DNAH1: variants seen among roughly 807,000 people sequenced by gnomAD.
The protein encoded by DNAH1 is axonemal beta dynein heavy chain 1.
Under a neutral mutation model 484.3 loss-of-function variants are expected in DNAH1, and 327 were observed. That is an observed-to-expected ratio of 0.68 (90% CI 0.62 to 0.74). DNAH1 has a LOEUF of 0.74. Ranked by LOEUF, DNAH1 falls within the 30% of genes least tolerant of loss-of-function variation. The probability of loss-of-function intolerance (pLI) is 0.00; values close to 1 mark genes in which losing one functional copy is unlikely to be tolerated. For missense variants in DNAH1, 5,052 were observed against 5,546.8 expected (o/e 0.91, Z 2.83); for synonymous variants, 2,192 against 2,191.9 (o/e 1.00, Z 0.00).
In DNAH1 at chr3:52,397,875, G is replaced by C. The variant is rs756189659; in HGVS notation, c.11956G>C (p.Glu3986Gln). The change falls in exon 74 of 78, where the codon GAG becomes CAG. Residue 3986 changes from glutamate (E) to glutamine (Q), a missense_variant and splice_region_variant. By Grantham distance (29) the Glu-to-Gln change is conservative. Coordinates refer to ENST00000420323, the MANE Select transcript of DNAH1 (RefSeq NM_015512.5). ...SSSAGSQGREEIVEDVTQNIL... is the reference protein window; with the variant it reads ...SSSAGSQGREQIVEDVTQNIL... ...TTCTGCAGGCAGCCAGGGCCGGGAG[G>C]AGGTGGGTGGTGTCAGAGTAAGGGG... 3.8e-6 allele frequency: 6 copies of C among 1,599,420 alleles called. No individual in the cohort carries two copies. Among genetic ancestry groups the C allele is most frequent in the Non-Finnish European group, 5.1e-6 (6 of 1,171,966 alleles).
intron 36 of DNAH1, among the ~76,000 whole-genome samples, chr3:52,367,478 C>T (rs1466763846): frequency 6.6e-6 from 1 of 152,088 alleles, no homozygotes. Context: ...TGAAGATTCT[C>T]CCCCATATCC....
intron 63 of DNAH1, 141 bp downstream of exon 63, chr3:52,391,744 T>C (rs1306872233): frequency 5.1e-6 from 5 of 979,260 alleles, no homozygotes; most frequent in Admixed American, 2.2e-5. Flanking sequence ...GGCACTCACA[T>C]TCGAAGCCTT....
chr3:52,364,577 T>G lies in DNAH1; in HGVS notation c.5245-61T>G. The G allele has an allele frequency of 6.3e-7, 1 of 1,590,996 alleles. No individual in the cohort carries two copies. Among genetic ancestry groups the G allele is most frequent in the South Asian group, 1.1e-5 (1 of 90,604 alleles). ...AACTGCCAGGTGGGAGGCAGAGTGT[T>G]CCAGGCAGAAGCCTTGGAGAGGGAC... On this transcript the variant is annotated intron_variant, in intron 32 of 77. Coordinates refer to ENST00000420323, the MANE Select transcript of DNAH1 (RefSeq NM_015512.5). The surrounding 1 kb of genome is among the most constrained non-coding windows in gnomAD (Gnocchi z 4.2).
chr3:52,349,090 G>T lies in DNAH1; in HGVS notation c.2300+9G>T. 6.2e-7 allele frequency: 1 copy of T among 1,612,946 alleles called. No individual in the cohort carries two copies. The highest frequency in any genetic ancestry group is 8.5e-7 in the Non-Finnish European group (1 of 1,179,622). On this transcript the variant is annotated intron_variant, in intron 13 of 77. Coordinates refer to ENST00000420323, the MANE Select transcript of DNAH1 (RefSeq NM_015512.5). ...ATTGCCTCCTTTCTCAAGTGCGTAC[G>T]TGTGCCCATGCACGTCGGAGGGTGT...
intron 60 of DNAH1, 56 bp downstream of exon 60, chr3:52,389,642 G>A: frequency 7.7e-7 from 1 of 1,298,812 alleles, no homozygotes; most frequent in South Asian, 2.5e-5. Flanking sequence ...GGTCCAGGCT[G>A]GGCCAGGAGC....
Position 52,326,226 on chromosome 3 carries a change from G to C in DNAH1, c.493G>C (p.Asp165His). The C allele has an allele frequency of 1.9e-6, 3 of 1,613,190 alleles. No individual in the cohort carries two copies. Among genetic ancestry groups the C allele is most frequent in the Non-Finnish European group, 2.5e-6 (3 of 1,179,650 alleles). ...CACCACCCGGCTGCTCGCCCAGACT[G>C]ACTTCCCACTGCAGGCCTACGAGCC... ...GSTTRLLAQT[D>H]FPLQAYEPKM... Residue 165 changes from aspartate (D) to histidine (H), a missense_variant, in exon 4 of 78, where the codon GAC becomes CAC. Asp to His is a moderately conservative substitution (Grantham distance 81). Around this residue, in one of 4 missense-constraint regions of DNAH1, gnomAD observed 1,263 missense variants for 1,218.8 expected, o/e 1.04. Transcript: ENST00000420323.
At position 52,395,656 on chromosome 3, in the gene DNAH1, T is replaced by G; in HGVS notation, c.11237T>G (p.Ile3746Ser). 6.2e-7 allele frequency: 1 copy of G among 1,613,786 alleles called. No individual in the cohort carries two copies. The part of the protein sequence containing the change: ...PSWMPALERL[I>S]EHINPDKVHR... Reference sequence around the variant, plus strand: ...TGGATGCCAGCCCTAGAACGCCTCATCGAGCACATCAACCCCGACAAGGTG... The same window carrying G: ...TGGATGCCAGCCCTAGAACGCCTCAGCGAGCACATCAACCCCGACAAGGTG... The change falls in exon 70 of 78, where the codon ATC becomes AGC. Residue 3746 changes from isoleucine to serine, a missense_variant. Transcript: ENST00000420323. The surrounding 1 kb of genome is among the most constrained non-coding windows in gnomAD (Gnocchi z 4.4).
rs751133875 is a variant in DNAH1, at chr3:52,383,478, C to T, written c.8034C>T (p.Ile2678=). The change falls in exon 51 of 78, where the codon ATC becomes ATT. Residue 2678 remains isoleucine, a synonymous_variant. Coordinates refer to ENST00000420323, the MANE Select transcript of DNAH1 (RefSeq NM_015512.5). ...ATACTGCGGACGAGCAGGACCAGAT[C>T]GTCAGCACCATGCGGCCCTATATCC... is the stretch of plus-strand genomic sequence containing the variant. ...NLYTADEQDQ[I]VSTMRPYIQE... 8.7e-6 allele frequency: 14 copies of T among 1,613,862 alleles called. No individual in the cohort carries two copies. The highest frequency in any genetic ancestry group is 2.7e-5 in the African/African-American group (2 of 74,938).
chr3:52,396,891 G>A lies in DNAH1; in HGVS notation c.11634G>A (p.Glu3878=), dbSNP rs777158579. The A allele has an allele frequency of 7.4e-6, 12 of 1,613,252 alleles. No individual in the cohort carries two copies. The South Asian group carries it at 1.3e-4, about 18-fold the overall frequency. Residue 3878 remains glutamate (E), a synonymous_variant, in exon 73 of 78, where the codon GAG becomes GAA. Coordinates refer to ENST00000420323, the MANE Select transcript of DNAH1 (RefSeq NM_015512.5). ...PYKVLKYTAG[E]INYGGRVTDD... ...AGGTCCTCAAGTACACGGCAGGGGA[G>A]ATCAATTACGGGGGCCGTGTCACTG...
Position 52,362,570 on chromosome 3 carries a change from C to G in DNAH1, c.5094+69C>G. ...GCCTGAGTTCAGAGATGCTAAGCCA[C>G]TTATGCAAGGACACAGTTGCTTGGA... On this transcript the variant is annotated intron_variant, in intron 31 of 77. Transcript: ENST00000420323. This position sits in a 1 kb window ranked among gnomAD's most constrained non-coding sequence, Gnocchi z 5.1. 5 of 1,365,676 alleles carry G rather than the reference C, an allele frequency of 3.7e-6. No individual in the cohort carries two copies. Among genetic ancestry groups the G allele is most frequent in the Non-Finnish European group, 5.1e-6 (5 of 979,056 alleles). The allele number at this position is 1,365,676 out of a possible 1,614,324, so 84.6% of individuals were successfully genotyped here.
chr3:52,371,003 C>T lies in DNAH1; in HGVS notation c.6525+178C>T, dbSNP rs141385492. ...GCCCTGTAGAGTGGTTATTATTGTG[C>T]TTGTTTTCCAGATGTGGCAGAGCTG... On this transcript the variant is annotated intron_variant, in intron 41 of 77. Transcript: ENST00000420323. Among the ~76,000 whole-genome samples the T allele has an allele frequency of 1.3e-3, 203 of 152,328 alleles. 2 individuals are homozygous for T. The highest frequency in any genetic ancestry group is 4.4e-3 in the African/African-American group (182 of 41,570).
chr3:52,358,806 G>A lies in DNAH1; in HGVS notation c.4266+69G>A. 1 of 1,575,492 alleles carries A rather than the reference G, an allele frequency of 6.3e-7. No individual in the cohort carries two copies. The highest frequency in any genetic ancestry group is 8.6e-7 in the Non-Finnish European group (1 of 1,160,376). On this transcript the variant is annotated intron_variant, in intron 25 of 77. Coordinates refer to ENST00000420323, the MANE Select transcript of DNAH1 (RefSeq NM_015512.5). The surrounding 1 kb of genome is among the most constrained non-coding windows in gnomAD (Gnocchi z 4.2). ...TCTGCTCCCTCTCAGTGCCCCTCCT[G>A]CTCTAGCCGGCCTCGTCCTCAGGCT...
In DNAH1 at chr3:52,355,312, TGTGGTTGAGGATAG is replaced by T. The variant is rs1702564318; in HGVS notation, c.3693+259_3693+272del. Among the ~76,000 whole-genome samples, 1 of 152,174 alleles carries T rather than the reference TGTGGTTGAGGATAG, an allele frequency of 6.6e-6. No homozygotes were observed. The highest frequency in any genetic ancestry group is 6.5e-5 in the Admixed American group (1 of 15,284). ...TAGGGGCAGCATTTGGGTCCCAAAA[TGTGGTTGAGGATAG>T]GCCTGAGAACTGCCAGGCGGCCTCC... On this transcript the variant is annotated intron_variant, in intron 21 of 77. Transcript: ENST00000420323. The surrounding 1 kb of genome is among the most constrained non-coding windows in gnomAD (Gnocchi z 4.5).
At position 52,350,039 on chromosome 3, in the gene DNAH1, C is replaced by G; in HGVS notation, c.2577C>G (p.Asn859Lys). Residue 859 changes from asparagine to lysine, a missense_variant, in exon 15 of 78, where the codon AAC becomes AAG. Asn to Lys is a moderately conservative substitution (Grantham distance 94). Transcript: ENST00000420323. Reference sequence around the variant, plus strand: ...GCCGCAAGATCTATGAGAAGCCCAACAGCATTGAGGAGCTGGCTGAGCTGC... The same window carrying G: ...GCCGCAAGATCTATGAGAAGCCCAAGAGCATTGAGGAGCTGGCTGAGCTGC... The part of the protein sequence containing the change: ...SISRKIYEKP[N>K]SIEELAELRE... 1 of 1,613,396 alleles carries G rather than the reference C, an allele frequency of 6.2e-7. No homozygotes were observed. The highest frequency in any genetic ancestry group is 8.5e-7 in the Non-Finnish European group (1 of 1,179,768).
Position 52,331,226 on chromosome 3 carries a change from A to G in DNAH1, c.950A>G (p.Tyr317Cys), listed in dbSNP as rs1259739960. Reference sequence around the variant, plus strand: ...GACTACGACGAGGAGAAGAAGCTATACCTGGTACACAAGACAGACGAGAAA... The same window carrying G: ...GACTACGACGAGGAGAAGAAGCTATGCCTGGTACACAAGACAGACGAGAAA... ...VLDYDEEKKLYLVHKTDEKGL... is the reference protein window; with the variant it reads ...VLDYDEEKKLCLVHKTDEKGL... The change falls in exon 7 of 78, where the codon TAC becomes TGC. Residue 317 changes from tyrosine (Y) to cysteine (C), a missense_variant. By Grantham distance (194) the Tyr-to-Cys change is radical. Coordinates refer to ENST00000420323, the MANE Select transcript of DNAH1 (RefSeq NM_015512.5). The G allele has an allele frequency of 1.2e-6, 2 of 1,610,842 alleles. No individual in the cohort carries two copies. Among genetic ancestry groups the G allele is most frequent in the African/African-American group, 1.3e-5 (1 of 74,870 alleles).
chr3:52,389,059 A>G (rs1158641921), intron 59 of DNAH1, 122 bp downstream of exon 59: 7 of 1,221,354 alleles, frequency 5.7e-6, no homozygotes, highest in Non-Finnish European at 7.8e-6. Context: ...CAGTCATTCA[A>G]CAAGCACTTA....
chr3:52,348,561 G>A (rs1559511367), intron 12 of DNAH1, among the ~76,000 whole-genome samples: 1 of 152,196 alleles, frequency 6.6e-6, no homozygotes. Flanking sequence ...TGGTCAGTTA[G>A]AGCCTTCATG....
intron 17 of DNAH1, 76 bp from the exon 18 acceptor site, chr3:52,352,476 C>T: frequency 6.5e-7 from 1 of 1,547,848 alleles, no homozygotes; most frequent in Non-Finnish European, 8.7e-7. Flanking sequence ...ACCTCTGGTT[C>T]CCTGGGTTTG....
chr3:52,338,338 A>G (rs1052066535), intron 8 of DNAH1, among the ~76,000 whole-genome samples: 3 of 152,064 alleles, frequency 2.0e-5, no homozygotes, highest in Non-Finnish European at 4.4e-5. Flanking sequence ...CGAACTCCTG[A>G]CCTCAAATGA....
Sources: gnomAD v4.1 joint callset for allele counts (sites outside exome capture counted in the v4.1 genomes callset) on GRCh38, gnomAD v4.1.1 for gene constraint, gnomAD v4.1.1 regional missense constraint, Gnocchi (gnomAD v3.1) non-coding constraint, MANE v1.5 for transcripts, NCBI Gene and HGNC (gene_info 2026-07-23, HGNC 2026-07-21) for gene names.